CHRM3: variants seen among roughly 807,000 people sequenced by gnomAD.
CHRM3 encodes cholinergic receptor muscarinic 3, also known as muscarinic acetylcholine receptor M3.
In CHRM3, 11 loss-of-function variants were observed where a neutral mutation model predicts 41.8. The observed-to-expected ratio is 0.26, with a 90% confidence interval of 0.17 to 0.44. The LOEUF is 0.44. CHRM3 is among the 20% of genes least tolerant of loss of function. The probability of loss-of-function intolerance (pLI) is 1.00; values close to 1 mark genes in which losing one functional copy is unlikely to be tolerated. For synonymous variants in CHRM3, 297 were observed against 301.4 expected, an observed-to-expected ratio of 0.99 and a Z score of 0.15; for missense variants, 571 against 745.4, an observed-to-expected ratio of 0.77 and a Z score of 2.72.
chr1:239,881,189 A>G (rs1018039282), intron 6 of CHRM3, among the ~76,000 whole-genome samples: 2 of 145,092 alleles, frequency 1.4e-5, no homozygotes, highest in African/African-American at 5.1e-5. Flanking sequence ...AGGCTGAGGC[A>G]GGAGAATGGC....
At chr1:239,535,141 A>G (rs1411143394) in intron 2 of CHRM3, among the ~76,000 whole-genome samples, 1 of 152,152 alleles carries the variant, frequency 6.6e-6, no homozygotes, top group African/African-American at 2.4e-5. Context: ...AGTGGAATTA[A>G]TTCAGCACAC....
At chr1:239,869,708 T>G (rs12098181) in intron 6 of CHRM3, among the ~76,000 whole-genome samples, 3,448 of 152,302 alleles carry the variant, frequency 0.023, 145 homozygotes, top group African/African-American at 0.077. Flanking sequence ...TTGCCCCTGA[T>G]TAAGTATTAT....
intron 3 of CHRM3, among the ~76,000 whole-genome samples, chr1:239,546,804 G>C (rs1220571444): frequency 2.6e-5 from 4 of 152,050 alleles, no homozygotes; most frequent in African/African-American, 9.7e-5. Flanking sequence ...GTGTACTTTA[G>C]TTTCAAGATA....
chr1:239,429,530 A>C (rs149191686), intron 1 of CHRM3, among the ~76,000 whole-genome samples: 7 of 152,306 alleles, frequency 4.6e-5, no homozygotes, highest in Non-Finnish European at 8.8e-5. Flanking sequence ...CATATGCTAT[A>C]AAACCGGGAT....
intron 5 of CHRM3, among the ~76,000 whole-genome samples, chr1:239,724,812 T>C (rs566162840): frequency 9.2e-5 from 14 of 152,012 alleles, no homozygotes; most frequent in African/African-American, 3.4e-4. Flanking sequence ...CTTTCTTCCC[T>C]GGCCCCCACA....
At chr1:239,852,505 C>T (rs1016172875) in intron 6 of CHRM3, among the ~76,000 whole-genome samples, 10 of 152,134 alleles carry the variant, frequency 6.6e-5, no homozygotes, top group Admixed American at 6.6e-4. Flanking sequence ...AATGCCCTCC[C>T]AGAGAGGGGG....
At chr1:239,667,908 A>G (rs1558436184) in intron 4 of CHRM3, among the ~76,000 whole-genome samples, 1 of 151,808 alleles carries the variant, frequency 6.6e-6, no homozygotes, top group Non-Finnish European at 1.5e-5. Flanking sequence ...GTACAAACCC[A>G]TTTTTCTCCT....
intron 4 of CHRM3, among the ~76,000 whole-genome samples, chr1:239,639,982 G>A (rs1158445414): frequency 6.6e-6 from 1 of 151,828 alleles, no homozygotes; most frequent in Non-Finnish European, 1.5e-5. Context: ...AAGGGTTGTT[G>A]AATTTTGTCA....
rs559163854 is a variant in CHRM3 at position 239,913,045 on chromosome 1, C to G, written c.*3821C>G. ...GGTCAAAACTGAGGTCAGCAGCTAC[C>G]ATGACGAAAGTAAAATGGTATATTG... On this transcript the variant is annotated 3_prime_UTR_variant, in exon 7 of 7. Coordinates refer to ENST00000676153, the MANE Select transcript of CHRM3 (RefSeq NM_001375978.1). 4.8e-5 allele frequency: 8 copies of G among 167,170 alleles called. No homozygotes were observed. The highest frequency in any genetic ancestry group is 1.9e-4 in the African/African-American group (8 of 41,564). 10.4% of individuals were successfully genotyped at this position (167,170 alleles called of 1,614,324 possible).
chr1:239,592,442 C>T (rs950267985), intron 3 of CHRM3, among the ~76,000 whole-genome samples: 7 of 152,108 alleles, frequency 4.6e-5, no homozygotes, highest in Non-Finnish European at 7.4e-5. Context: ...CCATGTCATT[C>T]TCCCCACCTC....
chr1:239,758,565 G>C (rs1422179177), intron 5 of CHRM3, among the ~76,000 whole-genome samples: 1 of 152,152 alleles, frequency 6.6e-6, no homozygotes, highest in African/African-American at 2.4e-5. Flanking sequence ...CATTTTGGGA[G>C]TTTTCTTCAT....
intron 1 of CHRM3, among the ~76,000 whole-genome samples, chr1:239,459,343 G>C (rs1182015355): frequency 6.6e-6 from 1 of 152,080 alleles, no homozygotes. Flanking sequence ...AAATATGGCT[G>C]AAAATACATT....
At chr1:239,529,682 A>T (rs1670252761) in intron 2 of CHRM3, among the ~76,000 whole-genome samples, 1 of 151,090 alleles carries the variant, frequency 6.6e-6, no homozygotes, top group African/African-American at 2.4e-5. Context: ...ATTATCTGTT[A>T]TTATTACTTT....
intron 2 of CHRM3, among the ~76,000 whole-genome samples, chr1:239,522,735 A>G (rs1558287260): frequency 1.3e-5 from 2 of 152,154 alleles, no homozygotes; most frequent in South Asian, 2.1e-4. Flanking sequence ...TCCAAGAACT[A>G]TGTGGCCTTA....
chr1:239,449,231 C>T (rs1392437935), intron 1 of CHRM3, among the ~76,000 whole-genome samples: 1 of 152,120 alleles, frequency 6.6e-6, no homozygotes, highest in East Asian at 1.9e-4. Context: ...CTTATGACAG[C>T]TCAATTTACT....
intron 4 of CHRM3, among the ~76,000 whole-genome samples, chr1:239,661,849 A>G (rs1387183310): frequency 6.6e-6 from 1 of 152,206 alleles, no homozygotes; most frequent in African/African-American, 2.4e-5. Flanking sequence ...TTCACTTGTT[A>G]TAACAAATAT....
chr1:239,849,620 T>G (rs756560395), intron 6 of CHRM3, among the ~76,000 whole-genome samples: 5 of 152,228 alleles, frequency 3.3e-5, no homozygotes, highest in Non-Finnish European at 5.9e-5. Context: ...TCTCATAGTC[T>G]AAGCTAGTAG....
At chr1:239,843,447 C>CTTTTTTTTTTT (rs34901177) in intron 6 of CHRM3, among the ~76,000 whole-genome samples, 2 of 81,228 alleles carry the variant, frequency 2.5e-5, no homozygotes, top group East Asian at 3.8e-4. Context: ...ACTCGCTTTC[C>CTTTTTTTTTTT]TTTTTTTTTT....
intron 4 of CHRM3, among the ~76,000 whole-genome samples, chr1:239,673,082 C>T (rs1033154326): frequency 2.6e-5 from 4 of 152,246 alleles, no homozygotes; most frequent in East Asian, 1.9e-4. Context: ...TTCAAATGCA[C>T]GTTCTTCCTG....
Sources: allele counts gnomAD v4.1 joint callset (sites outside exome capture counted in the v4.1 genomes callset), GRCh38; gene constraint gnomAD v4.1.1; transcripts MANE v1.5; gene names NCBI Gene and HGNC (gene_info 2026-07-23, HGNC 2026-07-21).